Variants in MTSS1 observed in about 807,000 individuals in gnomAD.
The protein encoded by MTSS1 is MTSS I-BAR domain containing 1.
In MTSS1, 18 loss-of-function variants were observed where a neutral mutation model predicts 79.0. The observed-to-expected ratio is 0.23, with a 90% CI of 0.16 to 0.34. The LOEUF (loss-of-function observed/expected upper bound fraction) is 0.34. MTSS1 is among the 10% of genes least tolerant of loss of function. The pLI, the probability that MTSS1 is intolerant of heterozygous loss-of-function variation, is 1.00. For missense variants in MTSS1, 815 were observed against 986.2 expected (o/e 0.83, Z 2.33); for synonymous variants, 341 against 368.6 (o/e 0.93, Z 0.86).
intron 6 of MTSS1, among the ~76,000 whole-genome samples, chr8:124,576,720 G>A (rs1829028077): frequency 1.3e-5 from 2 of 152,232 alleles, no homozygotes; most frequent in African/African-American, 4.8e-5. Flanking sequence ...ATAAATGGCT[G>A]ATGGGTTGCA....
Position 124,696,048 on chromosome 8 carries a change from C to T in MTSS1, c.208+3478G>A, listed in dbSNP as rs560783132. The stretch of plus-strand genomic sequence containing the variant: ...TGTCACCCAGGCTGGAGTGCAGTGG[C>T]GCAATCTCAGCTCACTGCAACCTCC... On this transcript the variant is annotated intron_variant, in intron 3 of 13. Coordinates refer to ENST00000518547, the MANE Select transcript of MTSS1 (RefSeq NM_014751.6). Among the ~76,000 whole-genome samples the T allele has an allele frequency of 3.0e-4, 46 of 151,922 alleles. 1 individual carries two copies. The highest frequency in any genetic ancestry group is 8.7e-4 in the African/African-American group (36 of 41,438).
At chr8:124,651,684 C>A (rs1820005443) in intron 3 of MTSS1, among the ~76,000 whole-genome samples, 2 of 152,172 alleles carry the variant, frequency 1.3e-5, no homozygotes, top group East Asian at 3.8e-4. Context: ...TCAGACAGTA[C>A]CAGCCATGGA....
chr8:124,575,551 T>C (rs1017852377), intron 6 of MTSS1, among the ~76,000 whole-genome samples: 9 of 147,690 alleles, frequency 6.1e-5, no homozygotes, highest in African/African-American at 1.7e-4. Flanking sequence ...TAGCAGGTGA[T>C]AGTATGCAGG....
At chr8:124,555,601 G>T in intron 13 of MTSS1, 141 bp downstream of exon 13, 1 of 1,098,862 alleles carries the variant, frequency 9.1e-7, no homozygotes, top group Non-Finnish European at 1.3e-6. Context: ...GCTCCCCAAA[G>T]CATTCCCAGA....
At chr8:124,718,766 C>G (rs1832490100) in intron 1 of MTSS1, among the ~76,000 whole-genome samples, 1 of 152,168 alleles carries the variant, frequency 6.6e-6, no homozygotes, top group Non-Finnish European at 1.5e-5. Flanking sequence ...CGACCCTTGA[C>G]AGAGGGGCTC....
chr8:124,606,164 G>GTT lies in MTSS1; in HGVS notation c.209-14931_209-14930dup, dbSNP rs199611609. Among the ~76,000 whole-genome samples, 18 of 106,040 alleles carry GTT rather than the reference G, an allele frequency of 1.7e-4. 1 individual carries two copies. The highest frequency in any genetic ancestry group is 2.8e-4 in the Admixed American group (3 of 10,610). The allele number at this position is 106,040 out of a possible 152,430, so 69.6% of individuals were successfully genotyped here. A position where few individuals can be genotyped will look rare whatever the true frequency, so the allele number is the denominator to read the frequency against. ...CTAATTTTTGTGTTTTCTGTGTTTG[G>GTT]TTTTTTGTTTTTTTTTTTTTTTTTT... On this transcript the variant is annotated intron_variant, in intron 3 of 13. Transcript: ENST00000518547.
intron 8 of MTSS1, 46 bp from the exon 9 acceptor site, chr8:124,565,805 A>G (rs1265706409): frequency 1.4e-6 from 2 of 1,464,484 alleles, no homozygotes; most frequent in African/African-American, 2.8e-5. Flanking sequence ...TGAGAGGGGA[A>G]GCGTTAGCCA....
At chr8:124,714,114 T>C (rs914241699) in intron 1 of MTSS1, among the ~76,000 whole-genome samples, 1 of 152,192 alleles carries the variant, frequency 6.6e-6, no homozygotes, top group African/African-American at 2.4e-5. Context: ...GGTTTATGGT[T>C]AGTCACTGCC....
chr8:124,691,044 G>A (rs3857954), intron 3 of MTSS1, among the ~76,000 whole-genome samples: 109,271 of 151,986 alleles, frequency 0.72, 39,322 homozygotes, highest in East Asian at 0.82. Flanking sequence ...AAAAAAATGG[G>A]GAATCGTAAG....
intron 3 of MTSS1, among the ~76,000 whole-genome samples, chr8:124,598,609 C>G (rs957391606): frequency 2.6e-5 from 4 of 152,186 alleles, no homozygotes; most frequent in African/African-American, 9.7e-5. Context: ...CTGCCTACCC[C>G]CATCTTCATA....
At chr8:124,633,543 G>C (rs1343188094) in intron 3 of MTSS1, among the ~76,000 whole-genome samples, 2 of 152,072 alleles carry the variant, frequency 1.3e-5, no homozygotes, top group Non-Finnish European at 2.9e-5. Flanking sequence ...GGTCGAGGCG[G>C]GTGGGTCACT....
At chr8:124,637,019 T>C (rs1326470758) in intron 3 of MTSS1, among the ~76,000 whole-genome samples, 2 of 152,222 alleles carry the variant, frequency 1.3e-5, no homozygotes, top group Non-Finnish European at 2.9e-5. Context: ...TAATTTTCAA[T>C]CTTTTGCTGT....
At chr8:124,695,411 C>G (rs1360737813) in intron 3 of MTSS1, among the ~76,000 whole-genome samples, 2 of 152,086 alleles carry the variant, frequency 1.3e-5, no homozygotes, top group Non-Finnish European at 2.9e-5. Flanking sequence ...AGGTAGATAT[C>G]AAACCACAAA....
intron 3 of MTSS1, among the ~76,000 whole-genome samples, chr8:124,655,351 C>T (rs1820755393): frequency 2.0e-5 from 3 of 152,242 alleles, no homozygotes; most frequent in Admixed American, 2.0e-4. Flanking sequence ...AGACAATGTA[C>T]TTCTGGCATC....
At chr8:124,648,165 T>G (rs529372685) in intron 3 of MTSS1, among the ~76,000 whole-genome samples, 43 of 152,258 alleles carry the variant, frequency 2.8e-4, no homozygotes, top group South Asian at 2.7e-3. Context: ...AGGAAAAAAC[T>G]GGGGCAAAAG....
chr8:124,592,654 T>C (rs548050118), intron 3 of MTSS1, among the ~76,000 whole-genome samples: 1 of 152,312 alleles, frequency 6.6e-6, no homozygotes, highest in South Asian at 2.1e-4. Flanking sequence ...GTGACATATA[T>C]ATCGTATATT....
At chr8:124,662,872 T>C (rs1030729875) in intron 3 of MTSS1, among the ~76,000 whole-genome samples, 3 of 152,150 alleles carry the variant, frequency 2.0e-5, no homozygotes, top group Non-Finnish European at 4.4e-5. Flanking sequence ...CCGTGTAATG[T>C]ACCCTTGCAG....
At chr8:124,684,445 G>C (rs1826623183) in intron 3 of MTSS1, among the ~76,000 whole-genome samples, 1 of 152,188 alleles carries the variant, frequency 6.6e-6, no homozygotes, top group African/African-American at 2.4e-5. Flanking sequence ...CAAGCATAAA[G>C]AAAAGAACGA....
At chr8:124,622,165 T>C (rs1813687277) in intron 3 of MTSS1, among the ~76,000 whole-genome samples, 1 of 152,080 alleles carries the variant, frequency 6.6e-6, no homozygotes, top group Non-Finnish European at 1.5e-5. Flanking sequence ...CGGATGAACC[T>C]GGAGGACGTT....
Sources: allele counts gnomAD v4.1 joint callset (sites outside exome capture counted in the v4.1 genomes callset), GRCh38; gene constraint gnomAD v4.1.1; transcripts MANE v1.5; gene names NCBI Gene and HGNC (gene_info 2026-07-23, HGNC 2026-07-21).